CTIF: variants seen among roughly 807,000 people sequenced by gnomAD.
CTIF encodes CBP80/20-dependent translation initiation factor.
In CTIF, 21 loss-of-function variants were observed where a neutral mutation model predicts 66.0. The ratio of observed to expected loss-of-function variants is 0.32; its 90% confidence interval spans 0.23 to 0.46. The LOEUF (loss-of-function observed/expected upper bound fraction) is 0.46, where lower values mean the gene tolerates loss of function less well. Among genes scored for constraint, CTIF ranks in the 20% least tolerant of loss-of-function variants. The pLI is 1.00. For missense variants in CTIF, 739 were observed against 812.7 expected (o/e 0.91, Z 1.10); for synonymous variants, 345 against 326.4 (o/e 1.06, Z -0.62).
intron 3 of CTIF, among the ~76,000 whole-genome samples, chr18:48,639,682 A>G (rs1212148938): frequency 2.0e-5 from 3 of 152,196 alleles, no homozygotes; most frequent in Admixed American, 6.5e-5. Context: ...CATAAACAAG[A>G]GGAATCTTTA....
intron 1 of CTIF, among the ~76,000 whole-genome samples, chr18:48,600,644 G>T (rs554554958): frequency 6.6e-6 from 1 of 152,032 alleles, no homozygotes; most frequent in East Asian, 1.9e-4. Flanking sequence ...GAGCTGAAGG[G>T]ATATTTCTTC....
chr18:48,686,946 C>T (rs1040376318), intron 6 of CTIF, among the ~76,000 whole-genome samples: 1 of 152,146 alleles, frequency 6.6e-6, no homozygotes, highest in African/African-American at 2.4e-5. Context: ...TTCTTGATCT[C>T]TGTGCTTATG....
At chr18:48,680,251 C>T (rs2091717473) in intron 6 of CTIF, among the ~76,000 whole-genome samples, 1 of 152,226 alleles carries the variant, frequency 6.6e-6, no homozygotes, top group Non-Finnish European at 1.5e-5. Flanking sequence ...CTGTCCATGC[C>T]CTACTTTGGG....
chr18:48,677,868 C>A (rs1264630316), intron 6 of CTIF, among the ~76,000 whole-genome samples: 1 of 152,214 alleles, frequency 6.6e-6, no homozygotes, highest in Non-Finnish European at 1.5e-5. Flanking sequence ...GTGCCTCCAC[C>A]ACAGAGGCTA....
At chr18:48,710,042 G>A (rs889432142) in intron 6 of CTIF, among the ~76,000 whole-genome samples, 2 of 152,232 alleles carry the variant, frequency 1.3e-5, no homozygotes, top group Admixed American at 6.5e-5. Flanking sequence ...TCTCTGGGAA[G>A]CTCCCCAAAA....
intron 10 of CTIF, among the ~76,000 whole-genome samples, chr18:48,835,111 T>G (rs1382412536): frequency 1.3e-5 from 2 of 152,238 alleles, no homozygotes; most frequent in African/African-American, 2.4e-5. Flanking sequence ...TTCACTTCCT[T>G]GAGCCTCAGT....
chr18:48,814,832 A>G (rs2068328709), intron 9 of CTIF, among the ~76,000 whole-genome samples: 1 of 152,204 alleles, frequency 6.6e-6, no homozygotes, highest in African/African-American at 2.4e-5. Context: ...GGGTCCCTGG[A>G]GTCTCTTGTG....
chr18:48,710,295 C>T (rs1233313592), intron 6 of CTIF, among the ~76,000 whole-genome samples: 1 of 152,232 alleles, frequency 6.6e-6, no homozygotes, highest in African/African-American at 2.4e-5. Flanking sequence ...TCTGACTGCT[C>T]TCCAGCAGCC....
chr18:48,682,866 A>T (rs891187241), intron 6 of CTIF: 2 of 152,242 alleles, frequency 1.3e-5, no homozygotes, highest in Non-Finnish European at 2.9e-5. Flanking sequence ...TTTGCACCAA[A>T]GATAGAAACC....
intron 9 of CTIF, among the ~76,000 whole-genome samples, chr18:48,790,616 C>T (rs1445735778): frequency 6.6e-6 from 1 of 152,226 alleles, no homozygotes; most frequent in Non-Finnish European, 1.5e-5. Flanking sequence ...CGGGCGGCCT[C>T]AACGGCCAGA....
chr18:48,777,511 T>C (rs1482949279), intron 9 of CTIF, among the ~76,000 whole-genome samples: 1 of 152,082 alleles, frequency 6.6e-6, no homozygotes, highest in African/African-American at 2.4e-5. Context: ...CTCATTCCCA[T>C]TTTATACCCA....
intron 1 of CTIF, among the ~76,000 whole-genome samples, chr18:48,581,354 C>A (rs2143812710): frequency 6.6e-6 from 1 of 152,124 alleles, no homozygotes; most frequent in South Asian, 2.1e-4. Context: ...TTCTTGACAC[C>A]CTCTTAGGTT....
At chr18:48,724,677 G>T (rs569939396) in intron 7 of CTIF, among the ~76,000 whole-genome samples, 1 of 152,352 alleles carries the variant, frequency 6.6e-6, no homozygotes, top group Non-Finnish European at 1.5e-5. Flanking sequence ...TCCCTGCTGT[G>T]TGTGAGCTCC....
intron 10 of CTIF, among the ~76,000 whole-genome samples, chr18:48,830,886 G>A (rs1391538424): frequency 6.6e-6 from 1 of 152,178 alleles, no homozygotes; most frequent in Non-Finnish European, 1.5e-5. Context: ...CTCAAGGCAG[G>A]GAACGTGTCT....
At chr18:48,583,218 G>A (rs563672371) in intron 1 of CTIF, among the ~76,000 whole-genome samples, 98 of 152,314 alleles carry the variant, frequency 6.4e-4, no homozygotes, top group African/African-American at 2.2e-3. Flanking sequence ...CTGTCTGGGT[G>A]GGGCCAACAG....
intron 1 of CTIF, among the ~76,000 whole-genome samples, chr18:48,610,103 A>G (rs963476951): frequency 6.6e-6 from 1 of 152,166 alleles, no homozygotes; most frequent in Non-Finnish European, 1.5e-5. Flanking sequence ...TGGGCCTGCA[A>G]TGGAAGCAGG....
At chr18:48,758,688 G>C (rs1184577738) in intron 8 of CTIF, among the ~76,000 whole-genome samples, 6 of 152,216 alleles carry the variant, frequency 3.9e-5, no homozygotes, top group Admixed American at 1.3e-4. Context: ...GCCCAAGGGA[G>C]TAGGGGGAAG....
intron 3 of CTIF, among the ~76,000 whole-genome samples, chr18:48,637,806 G>A (rs1366243856): frequency 1.3e-5 from 2 of 152,098 alleles, no homozygotes; most frequent in South Asian, 2.1e-4. Context: ...AGCCCCGGGG[G>A]TGGGGGGTGA....
Position 48,860,262 on chromosome 18 carries a change from A to C in CTIF, c.*703A>C. 3 of 297,158 alleles carry C rather than the reference A, an allele frequency of 1.0e-5. No individual in the cohort carries two copies. The highest frequency in any genetic ancestry group is 1.3e-5 in the Non-Finnish European group (2 of 149,690). 18.4% of individuals were successfully genotyped at this position (297,158 alleles called of 1,614,324 possible). ...TGCACTCTTTTGTTTATTGTGTTTT[A>C]TTTTTCAAAAGTCGGTTGCTTTGAA... On this transcript the variant is annotated 3_prime_UTR_variant, in exon 12 of 12. Transcript: ENST00000256413.
Sources: gnomAD v4.1 joint callset for allele counts (sites outside exome capture counted in the v4.1 genomes callset) on GRCh38, gnomAD v4.1.1 for gene constraint, MANE v1.5 for transcripts, NCBI Gene and HGNC (gene_info 2026-07-23, HGNC 2026-07-21) for gene names.